NOSIP: variants seen among roughly 807,000 people sequenced by gnomAD.
NOSIP encodes nitric oxide synthase-interacting protein.
Under a neutral mutation model 36.4 loss-of-function variants are expected in NOSIP, and 25 were observed. The observed-to-expected ratio is 0.69, with a 90% confidence interval of 0.50 to 0.96. The LOEUF (loss-of-function observed/expected upper bound fraction) is 0.96, where lower values mean the gene tolerates loss of function less well. NOSIP is among the 40% of genes least tolerant of loss of function. The pLI is 0.00. For synonymous variants in NOSIP, 187 were observed against 179.2 expected (o/e 1.04, Z -0.35); for missense variants, 370 against 429.0 (o/e 0.86, Z 1.21).
Position 49,556,937 on chromosome 19 carries a change from G to T in NOSIP, c.475C>A (p.Leu159Met), listed in dbSNP as rs1275773136. Residue 159 changes from leucine to methionine, a missense_variant, in exon 6 of 9, where the codon CTG becomes ATG. By Grantham distance (15) the Leu-to-Met change is conservative. This residue lies in a region of NOSIP where 315 missense variants were observed against 331.9 expected (regional missense o/e 0.95). Coordinates refer to ENST00000596358, the MANE Select transcript of NOSIP (RefSeq NM_001270960.2). ...GPPSKDKDKV[L>M]PSFWIPSLTP... ...AGCGACGGGATCCAGAAGCTGGGCA[G>T]CACTTTGTCCTTGTCCTTACTTGGA... 1 of 1,613,262 alleles carries T rather than the reference G, an allele frequency of 6.2e-7. No individual in the cohort carries two copies. Among genetic ancestry groups the T allele is most frequent in the Non-Finnish European group, 8.5e-7 (1 of 1,179,582 alleles).
chr19:49,560,192 G>A lies in NOSIP; in HGVS notation c.71-153C>T. On this transcript the variant is annotated intron_variant, in intron 2 of 8. Coordinates refer to ENST00000596358, the MANE Select transcript of NOSIP (RefSeq NM_001270960.2). This position sits in a 1 kb window ranked among gnomAD's most constrained non-coding sequence, Gnocchi z 4.6. ...AGTTGGGAGCCGCTGCCTGTGTGCT[G>A]GGGCCACGGGCTGAACCCACAGGGA... The A allele has an allele frequency of 1.6e-6, 1 of 617,470 alleles. No homozygotes were observed. The allele number at this position is 617,470 out of a possible 1,614,324, so 38.2% of individuals were successfully genotyped here.
At chr19:49,578,835 G>C (rs1035993942) in intron 1 of NOSIP, among the ~76,000 whole-genome samples, 1 of 151,518 alleles carries the variant, frequency 6.6e-6, no homozygotes, top group Non-Finnish European at 1.5e-5. Flanking sequence ...GTGTTAGCCA[G>C]GATGGTCTTG....
chr19:49,572,751 A>G (rs1473169614), intron 1 of NOSIP, among the ~76,000 whole-genome samples: 1 of 152,030 alleles, frequency 6.6e-6, no homozygotes, highest in African/African-American at 2.4e-5. Context: ...AGGCGGGCAG[A>G]TCACCTGAGG....
intron 4 of NOSIP, chr19:49,557,843 A>C: frequency 1.0e-6 from 1 of 988,082 alleles, no homozygotes; most frequent in South Asian, 4.7e-5. Flanking sequence ...ACCCTGGGCC[A>C]CCCAGCTGAG....
chr19:49,579,143 T>C (rs1436021879), intron 1 of NOSIP: 1 of 152,194 alleles, frequency 6.6e-6, no homozygotes, highest in African/African-American at 2.4e-5. Flanking sequence ...TACTTAACTA[T>C]ATCCTGATTC....
At chr19:49,573,682 C>T (rs1438344006) in intron 1 of NOSIP, among the ~76,000 whole-genome samples, 1 of 152,126 alleles carries the variant, frequency 6.6e-6, no homozygotes, top group Non-Finnish European at 1.5e-5. Flanking sequence ...AAGTAATCAT[C>T]ACATCCTTCA....
chr19:49,568,338 A>G (rs1272916839), intron 1 of NOSIP, among the ~76,000 whole-genome samples: 1 of 152,100 alleles, frequency 6.6e-6, no homozygotes, highest in Non-Finnish European at 1.5e-5. Context: ...ATCTGATGGA[A>G]AGTCCTAGTA....
intron 1 of NOSIP, among the ~76,000 whole-genome samples, chr19:49,563,144 TG>T (rs1395946026): frequency 6.6e-6 from 1 of 152,100 alleles, no homozygotes; most frequent in African/African-American, 2.4e-5. Context: ...CTTCCCTCTC[TG>T]CCACCCATTT....
chr19:49,559,684 C>T (rs1292970144), intron 3 of NOSIP: 4 of 512,344 alleles, frequency 7.8e-6, no homozygotes, highest in East Asian at 3.6e-5. Flanking sequence ...TGAGCTGCTC[C>T]GATGGCCTCG....
chr19:49,567,122 CT>C lies in NOSIP; in HGVS notation c.-1-6431del, dbSNP rs1234750784. ...TGAGCCACCGTGCCCAGCCAAAAAA[CT>C]TTTTTTTTTTTTTTTTTGAGACGGA... On this transcript the variant is annotated intron_variant, in intron 1 of 8. Transcript: ENST00000596358. Among the ~76,000 whole-genome samples, 728 of 108,308 alleles carry C rather than the reference CT, an allele frequency of 6.7e-3. 6 individuals carry two copies. The highest frequency in any genetic ancestry group is 0.018 in the African/African-American group (523 of 28,674). 71.1% of individuals were successfully genotyped at this position (108,308 alleles called of 152,430 possible).
chr19:49,574,148 T>TA (rs2122182510), intron 1 of NOSIP, among the ~76,000 whole-genome samples: 1 of 152,098 alleles, frequency 6.6e-6, no homozygotes, highest in South Asian at 2.1e-4. Flanking sequence ...AGGCATGAGC[T>TA]ACCGCGCCCA....
chr19:49,562,828 G>A (rs775053930), intron 1 of NOSIP, among the ~76,000 whole-genome samples: 5 of 152,102 alleles, frequency 3.3e-5, no homozygotes, highest in Non-Finnish European at 7.4e-5. Flanking sequence ...TGCAGGGAGT[G>A]GAGATTGCAC....
chr19:49,565,409 C>T (rs933425890), intron 1 of NOSIP, among the ~76,000 whole-genome samples: 2 of 151,936 alleles, frequency 1.3e-5, no homozygotes, highest in Non-Finnish European at 2.9e-5. Context: ...CTCTGAAAGT[C>T]GCTGGGTTAG....
intron 1 of NOSIP, among the ~76,000 whole-genome samples, chr19:49,572,927 C>T (rs183080864): frequency 0.011 from 1,488 of 134,254 alleles, 10 homozygotes; most frequent in Middle Eastern, 0.02. Flanking sequence ...GAGCCAAGAT[C>T]GGGCCACTGC....
At chr19:49,574,222 T>C (rs1271121434) in intron 1 of NOSIP, among the ~76,000 whole-genome samples, 1 of 152,140 alleles carries the variant, frequency 6.6e-6, no homozygotes, top group African/African-American at 2.4e-5. Flanking sequence ...CCTCAGTCTA[T>C]TCCTTGACAA....
Position 49,560,253 on chromosome 19 carries a change from T to G in NOSIP, c.71-214A>C. ...CTGGAGGGTGAGAGGCAGACAGGCCTGGTCACTGAGTGGCAGCTTGGTGGA... is the reference window on the plus strand; with the variant it reads ...CTGGAGGGTGAGAGGCAGACAGGCCGGGTCACTGAGTGGCAGCTTGGTGGA... On this transcript the variant is annotated intron_variant, in intron 2 of 8. Transcript: ENST00000596358. This position sits in a 1 kb window ranked among gnomAD's most constrained non-coding sequence, Gnocchi z 4.6. The G allele has an allele frequency of 6.8e-6, 4 of 584,524 alleles. No individual in the cohort carries two copies. Among genetic ancestry groups the G allele is most frequent in the Non-Finnish European group, 1.2e-5 (4 of 327,350 alleles). 36.2% of individuals were successfully genotyped at this position (584,524 alleles called of 1,614,324 possible).
intron 1 of NOSIP, among the ~76,000 whole-genome samples, chr19:49,565,031 T>C (rs965257492): frequency 1.3e-5 from 2 of 152,038 alleles, no homozygotes; most frequent in Non-Finnish European, 2.9e-5. Flanking sequence ...ATATGAACAC[T>C]TGGGGAGGCC....
chr19:49,578,368 C>T (rs2080580548), intron 1 of NOSIP, among the ~76,000 whole-genome samples: 1 of 152,152 alleles, frequency 6.6e-6, no homozygotes, highest in African/African-American at 2.4e-5. Context: ...AGATGATCCA[C>T]CTGCCTTCAC....
Position 49,560,402 on chromosome 19 carries a change from T to C in NOSIP, c.70+220A>G, listed in dbSNP as rs964122629. On this transcript the variant is annotated intron_variant, in intron 2 of 8. Transcript: ENST00000596358. This position sits in a 1 kb window ranked among gnomAD's most constrained non-coding sequence, Gnocchi z 4.6. The stretch of plus-strand genomic sequence containing the variant: ...AACAAGAGCACCCTCCCTGACACTC[T>C]GTTGGGAGGAGTGAGTTCATGCGCA... 5 of 592,356 alleles carry C rather than the reference T, an allele frequency of 8.4e-6. No homozygotes were observed. Among genetic ancestry groups the C allele is most frequent in the African/African-American group, 7.4e-5 (4 of 53,716 alleles). 36.7% of individuals were successfully genotyped at this position (592,356 alleles called of 1,614,324 possible).
Sources: allele counts gnomAD v4.1 joint callset (sites outside exome capture counted in the v4.1 genomes callset), GRCh38; gene constraint gnomAD v4.1.1; regional missense constraint gnomAD v4.1.1; non-coding constraint Gnocchi (gnomAD v3.1); transcripts MANE v1.5; gene names NCBI Gene and HGNC (gene_info 2026-07-23, HGNC 2026-07-21).